Variants in KAT2B observed in about 807,000 individuals in gnomAD.
KAT2B encodes the protein histone acetyltransferase KAT2B.
Under a neutral mutation model 105.9 loss-of-function variants are expected in KAT2B, and 36 were observed. The ratio of observed to expected loss-of-function variants is 0.34; its 90% confidence interval spans 0.26 to 0.45. KAT2B has a LOEUF of 0.45. KAT2B is among the 20% of genes least tolerant of loss of function. The pLI is 1.00. For synonymous variants in KAT2B, 397 were observed against 377.9 expected (o/e 1.05, Z -0.59); for missense variants, 820 against 1,021.6 (o/e 0.80, Z 2.69).
At chr3:20,117,360 G>C (rs776981539) in intron 7 of KAT2B, among the ~76,000 whole-genome samples, 7 of 152,172 alleles carry the variant, frequency 4.6e-5, no homozygotes, top group Non-Finnish European at 1.0e-4. Context: ...ACAGAAGAGT[G>C]TAATCATCTA....
At chr3:20,147,906 GTTATTCTC>G in intron 14 of KAT2B, 49 bp from the exon 15 acceptor site, 1 of 1,532,404 alleles carries the variant, frequency 6.5e-7, no homozygotes. Context: ...TATTAACTAT[GTTATTCTC>G]TTGACCAAAA....
At chr3:20,041,016 C>A (rs560313424) in intron 1 of KAT2B, among the ~76,000 whole-genome samples, 1 of 152,314 alleles carries the variant, frequency 6.6e-6, no homozygotes, top group Non-Finnish European at 1.5e-5. Flanking sequence ...TTCATTCCTT[C>A]CGCTTGAAAG....
At chr3:20,062,199 ATT>A (rs372590812) in intron 1 of KAT2B, among the ~76,000 whole-genome samples, 3 of 39,808 alleles carry the variant, frequency 7.5e-5, no homozygotes, top group African/African-American at 2.8e-4. Flanking sequence ...AAATATATAT[ATT>A]TTATATAAAA....
At chr3:20,099,085 A>G (rs1390531681) in intron 3 of KAT2B, among the ~76,000 whole-genome samples, 2 of 152,228 alleles carry the variant, frequency 1.3e-5, no homozygotes, top group African/African-American at 4.8e-5. Context: ...AAGAATTTCA[A>G]TATCAAATTT....
chr3:20,053,095 T>G (rs527895979), intron 1 of KAT2B, among the ~76,000 whole-genome samples: 1 of 152,342 alleles, frequency 6.6e-6, no homozygotes, highest in Non-Finnish European at 1.5e-5. Flanking sequence ...TAAGTGTGTT[T>G]CCCCTTGGTT....
chr3:20,042,464 G>T (rs1001832812), intron 1 of KAT2B, among the ~76,000 whole-genome samples: 3 of 152,064 alleles, frequency 2.0e-5, no homozygotes, highest in South Asian at 2.1e-4. Context: ...TACTGCTTGG[G>T]TGATGACTAC....
chr3:20,142,215 C>T (rs1359019654), intron 13 of KAT2B, among the ~76,000 whole-genome samples: 1 of 152,164 alleles, frequency 6.6e-6, no homozygotes, highest in Non-Finnish European at 1.5e-5. Context: ...ACAAAGCAGT[C>T]AACTTTTTAG....
chr3:20,151,385 TC>T (rs1013897210), intron 17 of KAT2B, among the ~76,000 whole-genome samples: 29 of 152,150 alleles, frequency 1.9e-4, no homozygotes, highest in African/African-American at 6.3e-4. Flanking sequence ...TAGGTTTCTT[TC>T]CCCCTGGAAA....
chr3:20,069,908 G>C (rs1166708945), intron 1 of KAT2B, among the ~76,000 whole-genome samples: 1 of 152,134 alleles, frequency 6.6e-6, no homozygotes, highest in East Asian at 1.9e-4. Context: ...CCTATTCACT[G>C]TCTTCATTGT....
chr3:20,062,236 AAAATATATAATATATAAAATATG>A (rs1698138858), intron 1 of KAT2B, among the ~76,000 whole-genome samples: 1 of 48,904 alleles, frequency 2.0e-5, no homozygotes, highest in Non-Finnish European at 3.8e-5. Flanking sequence ...AAATATATAT[AAAATATATAATATATAAAATATG>A]ATATATAATA....
chr3:20,146,397 C>A lies in KAT2B; in HGVS notation c.2086C>A (p.Arg696=). Residue 696 remains arginine, a synonymous_variant, in exon 14 of 18, where the codon CGA becomes AGA. Coordinates refer to ENST00000263754, the MANE Select transcript of KAT2B (RefSeq NM_003884.5). The part of the protein sequence containing the change: ...PGLSCFKDGV[R]QIPIESIPGI... ...ACTTTCATGTTTTAAAGATGGAGTT[C>A]GACAGATTCCTATAGAAAGCATTCC... The A allele has an allele frequency of 6.2e-7, 1 of 1,612,236 alleles. No individual in the cohort carries two copies. The highest frequency in any genetic ancestry group is 8.5e-7 in the Non-Finnish European group (1 of 1,178,486).
Position 20,067,528 on chromosome 3 carries a change from A to G in KAT2B, c.304-4805A>G, listed in dbSNP as rs192641244. ...TGTTGCAACAATGAAGTTAAGATCTATATCTCTAAAACTCTGTGTTGTCTT... is the reference window on the plus strand; with the variant it reads ...TGTTGCAACAATGAAGTTAAGATCTGTATCTCTAAAACTCTGTGTTGTCTT... On this transcript the variant is annotated intron_variant, in intron 1 of 17. Coordinates refer to ENST00000263754, the MANE Select transcript of KAT2B (RefSeq NM_003884.5). Among the ~76,000 whole-genome samples the G allele has an allele frequency of 4.6e-5, 7 of 152,296 alleles. No homozygotes were observed. The East Asian group carries it at 1.2e-3, about 25-fold the overall frequency.
At chr3:20,147,009 G>A (rs796521880) in intron 14 of KAT2B, among the ~76,000 whole-genome samples, 9 of 152,240 alleles carry the variant, frequency 5.9e-5, no homozygotes, top group African/African-American at 1.9e-4. Flanking sequence ...TTTCCTAAGG[G>A]TTCTTGTCTG....
intron 11 of KAT2B, among the ~76,000 whole-genome samples, chr3:20,133,903 A>G (rs2125186217): frequency 6.6e-6 from 1 of 152,252 alleles, no homozygotes; most frequent in African/African-American, 2.4e-5. Context: ...TTTACTGGTA[A>G]TATTTATTCT....
At chr3:20,109,658 C>A (rs1699085019) in intron 5 of KAT2B, among the ~76,000 whole-genome samples, 2 of 152,126 alleles carry the variant, frequency 1.3e-5, no homozygotes, top group African/African-American at 2.4e-5. Flanking sequence ...TGGCCACAGA[C>A]TAACATCTAG....
At chr3:20,083,215 T>C (rs984854631) in intron 2 of KAT2B, among the ~76,000 whole-genome samples, 2 of 152,160 alleles carry the variant, frequency 1.3e-5, no homozygotes, top group Non-Finnish European at 2.9e-5. Context: ...TGCTATAGAT[T>C]TGTGCATTGT....
At chr3:20,125,677 T>C (rs1230069848) in intron 9 of KAT2B, among the ~76,000 whole-genome samples, 2 of 152,196 alleles carry the variant, frequency 1.3e-5, no homozygotes, top group Non-Finnish European at 2.9e-5. Flanking sequence ...TGTACACATA[T>C]AATACTCCAA....
chr3:20,068,642 C>T (rs1035562456), intron 1 of KAT2B, among the ~76,000 whole-genome samples: 6 of 152,068 alleles, frequency 3.9e-5, no homozygotes, highest in Non-Finnish European at 7.3e-5. Flanking sequence ...AATGTAATCT[C>T]CAGGAGAGCA....
At chr3:20,076,639 A>G (rs1698424669) in intron 2 of KAT2B, among the ~76,000 whole-genome samples, 1 of 152,144 alleles carries the variant, frequency 6.6e-6, no homozygotes, top group South Asian at 2.1e-4. Flanking sequence ...GATTATTTAC[A>G]TTTGCCAATT....
Sources: allele counts gnomAD v4.1 joint callset (sites outside exome capture counted in the v4.1 genomes callset), GRCh38; gene constraint gnomAD v4.1.1; transcripts MANE v1.5; gene names NCBI Gene and HGNC (gene_info 2026-07-23, HGNC 2026-07-21).